CADPS2: variants seen among roughly 807,000 people sequenced by gnomAD.
The protein encoded by CADPS2 is calcium dependent secretion activator 2.
A neutral mutation model predicts 172.5 loss-of-function variants in CADPS2; 93 were observed. That is an observed-to-expected ratio of 0.54 (90% CI 0.46 to 0.64). The LOEUF (loss-of-function observed/expected upper bound fraction) is 0.64. CADPS2 is among the 30% of genes least tolerant of loss of function. The pLI, the probability that CADPS2 is intolerant of heterozygous loss-of-function variation, is 0.00. For synonymous variants in CADPS2, 546 were observed against 555.2 expected (o/e 0.98, Z 0.23); for missense variants, 1,420 against 1,565.9 (o/e 0.91, Z 1.57).
intron 13 of CADPS2, among the ~76,000 whole-genome samples, chr7:122,472,314 AAG>A (rs1554551095): frequency 2.0e-5 from 3 of 151,910 alleles, no homozygotes; most frequent in Non-Finnish European, 2.9e-5. Context: ...AAGAGAAATA[AAG>A]AATAATGAGA....
chr7:122,438,343 T>C lies in CADPS2; in HGVS notation c.2474A>G (p.Glu825Gly). ...YTRLTEYAKI[E>G]ETMNQASPAR... ...CGACAATTGCTCACTGCACTGACCTTCTATTTTGGCATATTCTGTGAGTCT... is the reference window on the plus strand; with the variant it reads ...CGACAATTGCTCACTGCACTGACCTCCTATTTTGGCATATTCTGTGAGTCT... Residue 825 changes from glutamate to glycine, a missense_variant and splice_region_variant, in exon 17 of 30, where the codon GAA (glutamate) becomes GGA (glycine). Coordinates refer to ENST00000449022, the MANE Select transcript of CADPS2 (RefSeq NM_017954.11). 1.4e-5 allele frequency: 23 copies of C among 1,612,896 alleles called. No individual in the cohort carries two copies. The highest frequency in any genetic ancestry group is 2.0e-5 in the Non-Finnish European group (23 of 1,179,120).
intron 11 of CADPS2, among the ~76,000 whole-genome samples, chr7:122,487,257 C>G (rs1049548896): frequency 6.6e-6 from 1 of 151,974 alleles, no homozygotes; most frequent in Non-Finnish European, 1.5e-5. Context: ...AGATCCCCCC[C>G]ACCTCGACCT....
chr7:122,809,099 C>T (rs1799432045), intron 1 of CADPS2, among the ~76,000 whole-genome samples: 1 of 152,096 alleles, frequency 6.6e-6, no homozygotes. Context: ...TTCATATCTG[C>T]TTCATGTGGT....
rs1230218838 is a variant in CADPS2 at position 122,886,379 on chromosome 7, C to G, written c.-42G>C. 6.8e-7 allele frequency: 1 copy of G among 1,476,458 alleles called. No individual in the cohort carries two copies. Among genetic ancestry groups the G allele is most frequent in the South Asian group, 1.3e-5 (1 of 77,808 alleles). The allele number at this position is 1,476,458 out of a possible 1,614,324, so 91.5% of individuals were successfully genotyped here. A position where few individuals can be genotyped will look rare whatever the true frequency, so the allele number is the denominator to read the frequency against. On this transcript the variant is annotated 5_prime_UTR_variant, in exon 1 of 30. Coordinates refer to ENST00000449022, the MANE Select transcript of CADPS2 (RefSeq NM_017954.11). ...CGCCGCTCGGCCCGCGGTCCCCAAG[C>G]GCCTCACCCCCGGCGGCTGCGCCCG... is the stretch of plus-strand genomic sequence containing the variant.
chr7:122,389,184 T>G (rs936667235), intron 22 of CADPS2, among the ~76,000 whole-genome samples: 4 of 152,092 alleles, frequency 2.6e-5, no homozygotes, highest in African/African-American at 9.6e-5. Flanking sequence ...TTTCTGTCTA[T>G]CTACACGTGT....
At chr7:122,698,745 C>T (rs1357469684) in intron 2 of CADPS2, 2 of 1,613,790 alleles carry the variant, frequency 1.2e-6, no homozygotes, top group African/African-American at 1.3e-5. Flanking sequence ...AGACTCCAGT[C>T]TCTCCCAACT....
intron 3 of CADPS2, among the ~76,000 whole-genome samples, chr7:122,636,462 G>GTTTTTTT (rs66587423): frequency 2.0e-5 from 2 of 100,172 alleles, no homozygotes; most frequent in Non-Finnish European, 1.9e-5. Context: ...CACAAGAGAT[G>GTTTTTTT]TTTTTTTTTT....
intron 2 of CADPS2, among the ~76,000 whole-genome samples, chr7:122,719,189 GACTGGTGCCAAGA>G (rs1366979961): frequency 1.3e-5 from 2 of 151,958 alleles, no homozygotes; most frequent in Admixed American, 1.3e-4. Context: ...GGGACAGCTT[GACTGGTGCCAAGA>G]GCTCTGCACA....
At chr7:122,432,414 T>C (rs1338110991) in intron 17 of CADPS2, among the ~76,000 whole-genome samples, 1 of 151,918 alleles carries the variant, frequency 6.6e-6, no homozygotes, top group Non-Finnish European at 1.5e-5. Flanking sequence ...CTGAGGCTGG[T>C]GGATCACCTG....
At chr7:122,601,923 G>A (rs1031988959) in intron 6 of CADPS2, among the ~76,000 whole-genome samples, 1 of 151,918 alleles carries the variant, frequency 6.6e-6, no homozygotes, top group Non-Finnish European at 1.5e-5. Flanking sequence ...AAACGGGAAG[G>A]CTTAGAAATT....
intron 7 of CADPS2, among the ~76,000 whole-genome samples, chr7:122,560,235 G>A (rs771480551): frequency 6.6e-6 from 1 of 152,132 alleles, no homozygotes; most frequent in Non-Finnish European, 1.5e-5. Context: ...AATACAGACA[G>A]GTAGGTTGAA....
intron 2 of CADPS2, among the ~76,000 whole-genome samples, chr7:122,718,261 G>A (rs1025976151): frequency 3.9e-5 from 6 of 151,976 alleles, no homozygotes; most frequent in Non-Finnish European, 7.4e-5. Flanking sequence ...AGAACTGCCT[G>A]TCAGCATTCT....
intron 6 of CADPS2, among the ~76,000 whole-genome samples, chr7:122,587,213 T>C (rs1179560320): frequency 6.6e-6 from 1 of 151,848 alleles, no homozygotes; most frequent in East Asian, 1.9e-4. Context: ...ACACATCACC[T>C]AGGTATTAAG....
chr7:122,660,043 T>C lies in CADPS2; in HGVS notation c.786+3194A>G, dbSNP rs558014444. On this transcript the variant is annotated intron_variant, in intron 3 of 29. Coordinates refer to ENST00000449022, the MANE Select transcript of CADPS2 (RefSeq NM_017954.11). Reference sequence around the variant, plus strand: ...AAGGAAAATAATATCAGTAAGAAATTTGAATCTACATAAAGAAATGAAAGA... The same window carrying C: ...AAGGAAAATAATATCAGTAAGAAATCTGAATCTACATAAAGAAATGAAAGA... 2.0e-3 allele frequency among the ~76,000 whole-genome samples: 304 copies of C among 152,228 alleles called. 2 individuals are homozygous for C. Among genetic ancestry groups the C allele is most frequent in the Non-Finnish European group, 3.4e-3 (233 of 68,002 alleles).
At chr7:122,579,370 G>A (rs2068487373) in intron 7 of CADPS2, among the ~76,000 whole-genome samples, 1 of 150,722 alleles carries the variant, frequency 6.6e-6, no homozygotes, top group Admixed American at 6.6e-5. Flanking sequence ...GGGAAACCCT[G>A]TAATAGATAG....
intron 8 of CADPS2, among the ~76,000 whole-genome samples, chr7:122,538,209 A>C (rs898803223): frequency 9.2e-5 from 14 of 151,660 alleles, no homozygotes; most frequent in Non-Finnish European, 1.2e-4. Context: ...CAACTGATTT[A>C]ATGAGGTTAA....
At chr7:122,813,774 A>G (rs1800638160) in intron 1 of CADPS2, among the ~76,000 whole-genome samples, 1 of 152,164 alleles carries the variant, frequency 6.6e-6, no homozygotes, top group South Asian at 2.1e-4. Context: ...GACAGTGGAT[A>G]TTGGAAAATA....
chr7:122,695,633 T>G (rs1368300167), intron 2 of CADPS2, among the ~76,000 whole-genome samples: 1 of 152,180 alleles, frequency 6.6e-6, no homozygotes, highest in Non-Finnish European at 1.5e-5. Flanking sequence ...TTCACTGACT[T>G]GACCCTTTCC....
chr7:122,693,928 C>T (rs1221757975), intron 2 of CADPS2, among the ~76,000 whole-genome samples: 3 of 152,178 alleles, frequency 2.0e-5, no homozygotes, highest in Admixed American at 1.3e-4. Context: ...CGTGCCACTG[C>T]ACTCCAGCCT....
Sources: allele counts gnomAD v4.1 joint callset (sites outside exome capture counted in the v4.1 genomes callset), GRCh38; gene constraint gnomAD v4.1.1; transcripts MANE v1.5; gene names NCBI Gene and HGNC (gene_info 2026-07-23, HGNC 2026-07-21).